Variants in CCDC141 observed in about 807,000 individuals in gnomAD.
CCDC141 encodes coiled-coil domain-containing protein 141.
A neutral mutation model predicts 181.0 loss-of-function variants in CCDC141; 168 were observed. The observed-to-expected ratio is 0.93, with a 90% CI of 0.82 to 1.05. The LOEUF is 1.05. Among genes scored for constraint, CCDC141 ranks in the 50% least tolerant of loss-of-function variants. CCDC141 has a pLI of 0.00. For synonymous variants in CCDC141, 666 were observed against 642.3 expected (o/e 1.04, Z -0.56); for missense variants, 1,902 against 1,788.5 (o/e 1.06, Z -1.14).
chr2:178,950,567 G>A (rs1035638008), intron 5 of CCDC141, among the ~76,000 whole-genome samples: 1 of 152,138 alleles, frequency 6.6e-6, no homozygotes, highest in Non-Finnish European at 1.5e-5. Context: ...AATGTGGATC[G>A]GGTTTCCATT....
chr2:178,817,943 C>T, the CCDC141 span, among the ~76,000 whole-genome samples: 3 of 152,066 alleles, frequency 2.0e-5, no homozygotes, highest in African/African-American at 7.2e-5. Context: ...GCTGGGATTA[C>T]AGGCATCCGC....
rs1337946972 is a variant in CCDC141, at chr2:178,961,582, T to G, written c.527-99A>C. The G allele has an allele frequency of 3.0e-6, 3 of 1,005,540 alleles. No homozygotes were observed. The African/African-American group carries it at 4.9e-5, about 16-fold the overall frequency. 62.3% of individuals were successfully genotyped at this position (1,005,540 alleles called of 1,614,324 possible). A position where few individuals can be genotyped will look rare whatever the true frequency, so the allele number is the denominator to read the frequency against. ...TAATTTAAAATATATGTAATTTTTA[T>G]GTTAATAAAAAACAAGTTGTGCTGC... On this transcript the variant is annotated intron_variant, in intron 4 of 23. Transcript: ENST00000443758.
intron 6 of CCDC141, among the ~76,000 whole-genome samples, chr2:178,925,118 G>C (rs1025393088): frequency 5.3e-5 from 8 of 152,200 alleles, no homozygotes; most frequent in Admixed American, 2.6e-4. Context: ...GTTTGATCCA[G>C]AAATCAACCT....
chr2:178,986,737 A>G (rs1453321451), intron 2 of CCDC141, among the ~76,000 whole-genome samples: 3 of 152,000 alleles, frequency 2.0e-5, no homozygotes, highest in Non-Finnish European at 2.9e-5. Flanking sequence ...AGAGAATAAA[A>G]TACCTAGGAA....
chr2:178,901,889 G>A (rs1687712760), intron 8 of CCDC141, among the ~76,000 whole-genome samples: 4 of 152,180 alleles, frequency 2.6e-5, no homozygotes, highest in Admixed American at 2.6e-4. Context: ...TCCTTAAGCT[G>A]ATAAGCAACT....
In CCDC141 at chr2:178,959,198, T is replaced by C. The variant is rs377362289; in HGVS notation, c.780+2032A>G. 2.5e-3 allele frequency among the ~76,000 whole-genome samples: 374 copies of C among 151,952 alleles called. 3 individuals are homozygous for C. The highest frequency in any genetic ancestry group is 8.2e-3 in the African/African-American group (339 of 41,438). ...TAGGAGATATACCTAATGTAAATGA[T>C]GAGTTAATGGGTGCAGCACACCAAC... On this transcript the variant is annotated intron_variant, in intron 5 of 23. Transcript: ENST00000443758.
chr2:178,818,776 T>A, the CCDC141 span, among the ~76,000 whole-genome samples: 2 of 152,202 alleles, frequency 1.3e-5, no homozygotes, highest in African/African-American at 2.4e-5. Context: ...TGATTTATAT[T>A]CTTTTGGGTA....
intron 2 of CCDC141, among the ~76,000 whole-genome samples, chr2:178,996,309 C>G (rs1241234890): frequency 1.3e-5 from 2 of 152,098 alleles, no homozygotes; most frequent in Non-Finnish European, 2.9e-5. Context: ...AACTTCTGAC[C>G]TCAGGTGATC....
intron 17 of CCDC141, among the ~76,000 whole-genome samples, chr2:178,863,957 G>A (rs192161089): frequency 1.3e-5 from 2 of 152,274 alleles, no homozygotes; most frequent in Non-Finnish European, 1.5e-5. Flanking sequence ...CATCCCGGCC[G>A]GCTGGCTCCA....
intron 2 of CCDC141, among the ~76,000 whole-genome samples, chr2:179,044,607 C>A (rs1223695392): frequency 2.6e-5 from 4 of 152,164 alleles, no homozygotes; most frequent in Non-Finnish European, 5.9e-5. Flanking sequence ...CCACTACCCA[C>A]AATTTATCAG....
At chr2:178,919,153 C>G (rs188482043) in intron 6 of CCDC141, among the ~76,000 whole-genome samples, 1 of 152,080 alleles carries the variant, frequency 6.6e-6, no homozygotes, top group Admixed American at 6.6e-5. Flanking sequence ...ACAACTCTAC[C>G]GTGCTGGCAC....
intron 17 of CCDC141, among the ~76,000 whole-genome samples, chr2:178,864,689 T>C (rs1408012612): frequency 6.6e-6 from 1 of 152,224 alleles, no homozygotes; most frequent in Non-Finnish European, 1.5e-5. Flanking sequence ...GGTCTGTAAA[T>C]GTGTGGCCTA....
chr2:178,918,645 G>A, intron 7 of CCDC141, 68 bp downstream of exon 7: 1 of 1,312,526 alleles, frequency 7.6e-7, no homozygotes, highest in South Asian at 1.4e-5. Context: ...GCTCCAGTCA[G>A]TTGAAGTAAT....
chr2:179,007,408 A>C (rs1425674329), intron 2 of CCDC141, among the ~76,000 whole-genome samples: 1 of 152,200 alleles, frequency 6.6e-6, no homozygotes, highest in Non-Finnish European at 1.5e-5. Flanking sequence ...TGAAATCTTT[A>C]AATCACCTCT....
At chr2:178,858,864 C>G (rs1393749918) in intron 17 of CCDC141, among the ~76,000 whole-genome samples, 1 of 152,210 alleles carries the variant, frequency 6.6e-6, no homozygotes, top group South Asian at 2.1e-4. Context: ...ATTACATCTG[C>G]TTTAAATGGG....
intron 2 of CCDC141, among the ~76,000 whole-genome samples, chr2:179,003,703 T>C (rs1016526567): frequency 3.3e-5 from 5 of 152,288 alleles, no homozygotes; most frequent in African/African-American, 1.2e-4. Flanking sequence ...AAAAACTTAT[T>C]TCTGATTTGA....
At chr2:179,016,366 C>T (rs963996220) in intron 2 of CCDC141, among the ~76,000 whole-genome samples, 10 of 151,974 alleles carry the variant, frequency 6.6e-5, no homozygotes, top group Admixed American at 1.3e-4. Flanking sequence ...GTAAATAGTT[C>T]TCCCCTCACC....
intron 17 of CCDC141, 60 bp from the exon 18 acceptor site, chr2:178,856,457 C>T (rs928742073): frequency 3.1e-6 from 4 of 1,307,940 alleles, no homozygotes; most frequent in Middle Eastern, 2.8e-4. Flanking sequence ...AAGTCACTTG[C>T]AATAAATCAA....
rs146600473 is a variant in CCDC141, at chr2:178,990,534, G to GAGGAAGGAAGGAAGGA, written c.226-11875_226-11860dup. Among the ~76,000 whole-genome samples the GAGGAAGGAAGGAAGGA allele has an allele frequency of 3.3e-3, 443 of 134,496 alleles. 5 individuals are homozygous for GAGGAAGGAAGGAAGGA. The highest frequency in any genetic ancestry group is 0.012 in the African/African-American group (427 of 34,174). 88.2% of individuals were successfully genotyped at this position (134,496 alleles called of 152,430 possible). ...AGAGAGAGAGAGAAAGAAAGAGAGA[G>GAGGAAGGAAGGAAGGA]AGGAAGGAAGGAAGGAAGGAAGGAA... On this transcript the variant is annotated intron_variant, in intron 2 of 23. Coordinates refer to ENST00000443758, the MANE Select transcript of CCDC141 (RefSeq NM_173648.4).
Sources: gnomAD v4.1 joint callset for allele counts (sites outside exome capture counted in the v4.1 genomes callset) on GRCh38, gnomAD v4.1.1 for gene constraint, MANE v1.5 for transcripts, NCBI Gene and HGNC (gene_info 2026-07-23, HGNC 2026-07-21) for gene names.